The following NELL2 variants were observed in gnomAD, a reference collection of about 807,000 sequenced individuals.
NELL2 encodes the protein neural EGFL like 2.
Under a neutral mutation model 109.6 loss-of-function variants are expected in NELL2, and 41 were observed. The observed-to-expected ratio is 0.37, with a 90% confidence interval of 0.29 to 0.49. The LOEUF (loss-of-function observed/expected upper bound fraction) is 0.49. Ranked by LOEUF, NELL2 falls within the 20% of genes least tolerant of loss-of-function variation. NELL2 has a pLI of 0.98. For synonymous variants in NELL2, 355 were observed against 344.7 expected (o/e 1.03, Z -0.33); for missense variants, 900 against 1,008.3 (o/e 0.89, Z 1.45).
At chr12:44,536,107 G>T (rs186066026) in intron 15 of NELL2, among the ~76,000 whole-genome samples, 1 of 151,816 alleles carries the variant, frequency 6.6e-6, no homozygotes, top group East Asian at 1.9e-4. Context: ...TGCTTGAATT[G>T]ACAGAGTATA....
intron 13 of NELL2, among the ~76,000 whole-genome samples, chr12:44,634,972 C>T (rs1209075295): frequency 6.6e-6 from 1 of 152,104 alleles, no homozygotes; most frequent in Non-Finnish European, 1.5e-5. Context: ...TAATGATCAC[C>T]ATTGTATCTG....
chr12:44,861,189 A>G (rs1295552391), intron 2 of NELL2, among the ~76,000 whole-genome samples: 1 of 152,228 alleles, frequency 6.6e-6, no homozygotes, highest in East Asian at 1.9e-4. Context: ...ACCTTTCCCC[A>G]GTGCCAGGCA....
At chr12:44,777,399 T>C in intron 5 of NELL2, 85 bp from the exon 6 acceptor site, 1 of 1,049,328 alleles carries the variant, frequency 9.5e-7, no homozygotes, top group South Asian at 1.3e-5. Context: ...AAGGAAAATA[T>C]TACAGAACAC....
chr12:44,806,415 T>C (rs1943001010), intron 3 of NELL2, among the ~76,000 whole-genome samples: 1 of 151,856 alleles, frequency 6.6e-6, no homozygotes, highest in African/African-American at 2.4e-5. Context: ...ATGAAATATG[T>C]ATTTCATATA....
chr12:44,597,003 C>T (rs186355322), intron 15 of NELL2, among the ~76,000 whole-genome samples: 7 of 152,258 alleles, frequency 4.6e-5, no homozygotes, highest in Non-Finnish European at 7.4e-5. Flanking sequence ...TAAGTCAATG[C>T]CATCTTGTCC....
chr12:44,727,618 T>G (rs1839494), intron 9 of NELL2, among the ~76,000 whole-genome samples: 1 of 151,852 alleles, frequency 6.6e-6, no homozygotes, highest in East Asian at 1.9e-4. Context: ...AGACTAGAGA[T>G]TGAGCCTTAT....
intron 2 of NELL2, among the ~76,000 whole-genome samples, chr12:44,829,820 C>A (rs961617205): frequency 6.6e-6 from 1 of 152,024 alleles, no homozygotes; most frequent in African/African-American, 2.4e-5. Context: ...ATATACTTAG[C>A]GTTTGCAAAG....
Position 44,581,206 on chromosome 12 carries a change from C to T in NELL2, c.1663+25963G>A, listed in dbSNP as rs534659071. 6.6e-5 allele frequency among the ~76,000 whole-genome samples: 10 copies of T among 152,100 alleles called. No individual in the cohort carries two copies. The South Asian group carries it at 1.9e-3, about 28-fold the overall frequency. ...CATCAGTTTTTACTTACCAATGTGC[C>T]ACTAATTGGACGGCTACTTTTGTGT... On this transcript the variant is annotated intron_variant, in intron 15 of 19. Transcript: ENST00000429094.
intron 13 of NELL2, among the ~76,000 whole-genome samples, chr12:44,618,712 G>A (rs774296869): frequency 5.9e-5 from 9 of 152,068 alleles, no homozygotes; most frequent in African/African-American, 9.7e-5. Context: ...TCAAGGACTG[G>A]TGATACGAAT....
At chr12:44,695,834 A>G (rs1949046583) in intron 12 of NELL2, among the ~76,000 whole-genome samples, 1 of 152,234 alleles carries the variant, frequency 6.6e-6, no homozygotes, top group South Asian at 2.1e-4. Context: ...ATAAAAATAA[A>G]TTAGCCAGGC....
In NELL2 at chr12:44,707,027, A is replaced by G. The variant is rs1021235559; in HGVS notation, c.1190-3173T>C. Among the ~76,000 whole-genome samples, 7 of 152,334 alleles carry G rather than the reference A, an allele frequency of 4.6e-5. No homozygotes were observed. The East Asian group carries it at 1.3e-3, about 29-fold the overall frequency. ...AATACATAATTATCAAGAGAAAGAG[A>G]ATACAATAATTTTGTGGTGAATATT... On this transcript the variant is annotated intron_variant, in intron 11 of 19. Coordinates refer to ENST00000429094, the MANE Select transcript of NELL2 (RefSeq NM_001145108.2).
At chr12:44,669,703 CA>C (rs1382190887) in intron 12 of NELL2, among the ~76,000 whole-genome samples, 3 of 151,842 alleles carry the variant, frequency 2.0e-5, no homozygotes, top group Non-Finnish European at 2.9e-5. Context: ...GACCAAAAAT[CA>C]AAAGAAATAA....
chr12:44,901,322 A>T (rs952173870), intron 1 of NELL2, among the ~76,000 whole-genome samples: 1 of 152,188 alleles, frequency 6.6e-6, no homozygotes, highest in African/African-American at 2.4e-5. Flanking sequence ...ATTCCTGGAC[A>T]CATACACCCT....
chr12:44,684,704 C>T (rs1948652390), intron 12 of NELL2, among the ~76,000 whole-genome samples: 1 of 152,150 alleles, frequency 6.6e-6, no homozygotes, highest in Non-Finnish European at 1.5e-5. Context: ...GCAGGTTGTT[C>T]AGTTTCCATG....
At chr12:44,618,452 C>T (rs1945917106) in intron 13 of NELL2, among the ~76,000 whole-genome samples, 1 of 152,152 alleles carries the variant, frequency 6.6e-6, no homozygotes, top group African/African-American at 2.4e-5. Flanking sequence ...AAATTTCCTC[C>T]TTCTCCTTAT....
chr12:44,781,728 T>C (rs1279959489), intron 3 of NELL2, among the ~76,000 whole-genome samples: 2 of 151,952 alleles, frequency 1.3e-5, no homozygotes, highest in Non-Finnish European at 2.9e-5. Context: ...ATGGGAGCCA[T>C]AAAGAAGTGG....
intron 2 of NELL2, among the ~76,000 whole-genome samples, chr12:44,864,814 T>A (rs1030669304): frequency 6.6e-6 from 1 of 152,214 alleles, no homozygotes; most frequent in Non-Finnish European, 1.5e-5. Flanking sequence ...CATCACCTGT[T>A]AGACCATTAA....
intron 5 of NELL2, among the ~76,000 whole-genome samples, chr12:44,778,327 G>A (rs1470803508): frequency 2.0e-5 from 3 of 152,112 alleles, no homozygotes; most frequent in Non-Finnish European, 4.4e-5. Context: ...TTTACTGTGT[G>A]GGTATTACTG....
At chr12:44,741,931 A>T (rs1440652709) in intron 9 of NELL2, among the ~76,000 whole-genome samples, 1 of 152,200 alleles carries the variant, frequency 6.6e-6, no homozygotes, top group Non-Finnish European at 1.5e-5. Flanking sequence ...GCAGACTTAA[A>T]TGTCCCTGTC....
Sources: allele counts gnomAD v4.1 joint callset (sites outside exome capture counted in the v4.1 genomes callset), GRCh38; gene constraint gnomAD v4.1.1; transcripts MANE v1.5; gene names NCBI Gene and HGNC (gene_info 2026-07-23, HGNC 2026-07-21).